Variants in MSRA observed in about 807,000 individuals in gnomAD.
MSRA encodes methionine sulfoxide reductase A, also known as mitochondrial peptide methionine sulfoxide reductase.
In MSRA, 54 loss-of-function variants were observed where a neutral mutation model predicts 31.3. The observed-to-expected ratio is 1.73, with a 90% confidence interval of 1.39 to 2.17. MSRA has a LOEUF of 2.17. Among genes scored for constraint, MSRA ranks in the 30% most tolerant of loss-of-function variants. The pLI is 0.00. For missense variants in MSRA, 507 were observed against 300.9 expected, an observed-to-expected ratio of 1.69 and a Z score of -5.07; for synonymous variants, 169 against 116.5, an observed-to-expected ratio of 1.45 and a Z score of -2.90.
chr8:10,319,472 C>T (rs1801919211), intron 4 of MSRA, among the ~76,000 whole-genome samples: 1 of 152,146 alleles, frequency 6.6e-6, no homozygotes, highest in South Asian at 2.1e-4. Context: ...GTCTCATTTC[C>T]TCATCCACCA....
At chr8:10,250,540 T>A in intron 3 of MSRA, 1 of 693,468 alleles carries the variant, frequency 1.4e-6, no homozygotes, top group South Asian at 1.5e-5. Flanking sequence ...CTCGTAAGAT[T>A]TACACAAGCA....
At chr8:10,343,300 G>A (rs1253199572) in intron 5 of MSRA, among the ~76,000 whole-genome samples, 1 of 152,204 alleles carries the variant, frequency 6.6e-6, no homozygotes, top group Admixed American at 6.5e-5. Flanking sequence ...GCAGAGCTAA[G>A]ATCGGATGTA....
chr8:10,264,922 G>C (rs1490049453), intron 3 of MSRA, among the ~76,000 whole-genome samples: 1 of 152,110 alleles, frequency 6.6e-6, no homozygotes, highest in East Asian at 1.9e-4. Context: ...TATGCGATGA[G>C]AAGCTTGAAA....
intron 1 of MSRA, among the ~76,000 whole-genome samples, chr8:10,079,295 A>T (rs1442768147): frequency 6.6e-6 from 1 of 151,912 alleles, no homozygotes; most frequent in African/African-American, 2.4e-5. Flanking sequence ...CATAGCTGGG[A>T]CTAACAGGCA....
At chr8:10,395,042 G>T (rs1052687324) in intron 5 of MSRA, among the ~76,000 whole-genome samples, 1 of 152,120 alleles carries the variant, frequency 6.6e-6, no homozygotes, top group East Asian at 1.9e-4. Flanking sequence ...GTTGGCTTCC[G>T]ACCAAGTGGC....
intron 5 of MSRA, among the ~76,000 whole-genome samples, chr8:10,339,981 C>A (rs1372034112): frequency 2.0e-5 from 3 of 152,178 alleles, no homozygotes; most frequent in Non-Finnish European, 4.4e-5. Context: ...TCATGGATCC[C>A]CAAGGCAGCT....
chr8:10,096,493 A>G (rs1332226013), intron 1 of MSRA, among the ~76,000 whole-genome samples: 1 of 152,226 alleles, frequency 6.6e-6, no homozygotes, highest in Non-Finnish European at 1.5e-5. Flanking sequence ...ATGGTAGAGA[A>G]TAGAAATTTA....
rs536559199 is a variant in MSRA at position 10,259,178 on chromosome 8, C to G, written c.331+13955C>G. Among the ~76,000 whole-genome samples the G allele has an allele frequency of 9.9e-5, 15 of 151,998 alleles. No homozygotes were observed. In the South Asian group the frequency reaches 1.9e-3, roughly 19 times the overall value. ...ACCTTGTCAAATCTATTGAAGTTCT[C>G]AATGCCCTGAAAACAAATGGACTTA... On this transcript the variant is annotated intron_variant, in intron 3 of 5. Coordinates refer to ENST00000317173, the MANE Select transcript of MSRA (RefSeq NM_012331.5).
At chr8:10,396,040 C>G (rs1014384384) in intron 5 of MSRA, among the ~76,000 whole-genome samples, 8 of 152,154 alleles carry the variant, frequency 5.3e-5, no homozygotes, top group African/African-American at 1.9e-4. Flanking sequence ...TCTAAGGCAG[C>G]TCCCTCCCTT....
At chr8:10,137,401 C>A (rs75026360) in intron 1 of MSRA, among the ~76,000 whole-genome samples, 1 of 152,262 alleles carries the variant, frequency 6.6e-6, no homozygotes, top group African/African-American at 2.4e-5. Flanking sequence ...TAACTGCTTT[C>A]TTTGAGAGCA....
chr8:10,127,842 T>G (rs1801610231), intron 1 of MSRA, among the ~76,000 whole-genome samples: 1 of 152,206 alleles, frequency 6.6e-6, no homozygotes, highest in Non-Finnish European at 1.5e-5. Flanking sequence ...TGATGGTGTT[T>G]TGAAACTTCA....
intron 3 of MSRA, among the ~76,000 whole-genome samples, chr8:10,282,618 C>G (rs941871494): frequency 6.6e-6 from 1 of 152,172 alleles, no homozygotes; most frequent in Non-Finnish European, 1.5e-5. Flanking sequence ...ACCTTCTCGT[C>G]TGTTCTCTGA....
chr8:10,080,342 C>A (rs1292158516), intron 1 of MSRA, among the ~76,000 whole-genome samples: 2 of 139,686 alleles, frequency 1.4e-5, no homozygotes, highest in African/African-American at 5.3e-5. Context: ...CCTGAAATTT[C>A]TTACAGAGAC....
intron 1 of MSRA, among the ~76,000 whole-genome samples, chr8:10,121,408 C>T (rs866397361): frequency 2.0e-5 from 3 of 152,128 alleles, no homozygotes; most frequent in Non-Finnish European, 2.9e-5. Context: ...AACAACTGTG[C>T]GACTTTCTTT....
Position 10,142,205 on chromosome 8 carries a change from A to G in MSRA, c.143-65628A>G, listed in dbSNP as rs560184020. Among the ~76,000 whole-genome samples, 21 of 151,978 alleles carry G rather than the reference A, an allele frequency of 1.4e-4. No individual in the cohort carries two copies. In the South Asian group the frequency reaches 2.7e-3, roughly 20 times the overall value. On this transcript the variant is annotated intron_variant, in intron 1 of 5. Coordinates refer to ENST00000317173, the MANE Select transcript of MSRA (RefSeq NM_012331.5). ...ACTCCCGACCTCAGGTGATCCACCC[A>G]CCTTGACCTCCCAAACTCCTGGGAT...
At chr8:10,330,417 C>G (rs143576154) in intron 5 of MSRA, among the ~76,000 whole-genome samples, 3 of 152,308 alleles carry the variant, frequency 2.0e-5, no homozygotes, top group African/African-American at 7.2e-5. Flanking sequence ...GAGGTATATA[C>G]AGATCCTTTG....
chr8:10,095,560 G>GAGAGAA (rs1234849892), intron 1 of MSRA: 1 of 985,626 alleles, frequency 1.0e-6, no homozygotes, highest in Non-Finnish European at 1.2e-6. Flanking sequence ...AAGAGTGAGA[G>GAGAGAA]AGAGAAAGAG....
intron 5 of MSRA, among the ~76,000 whole-genome samples, chr8:10,334,434 G>A (rs1344958812): frequency 6.6e-6 from 1 of 152,024 alleles, no homozygotes; most frequent in Non-Finnish European, 1.5e-5. Context: ...AAACTACCGG[G>A]GGCGGGGGGG....
At chr8:10,255,919 C>G (rs1798152339) in intron 3 of MSRA, among the ~76,000 whole-genome samples, 1 of 152,014 alleles carries the variant, frequency 6.6e-6, no homozygotes. Flanking sequence ...TCTATCCCAT[C>G]CCCCCACCAT....
Sources: allele counts gnomAD v4.1 joint callset (sites outside exome capture counted in the v4.1 genomes callset), GRCh38; gene constraint gnomAD v4.1.1; transcripts MANE v1.5; gene names NCBI Gene and HGNC (gene_info 2026-07-23, HGNC 2026-07-21).